The following TRIM26 variants were observed in gnomAD, a reference collection of about 807,000 sequenced individuals.
TRIM26 encodes tripartite motif containing 26.
Under a neutral mutation model 45.5 loss-of-function variants are expected in TRIM26, and 16 were observed. The observed-to-expected ratio is 0.35, with a 90% confidence interval of 0.24 to 0.53. TRIM26 has a LOEUF of 0.53. Among genes scored for constraint, TRIM26 ranks in the 20% least tolerant of loss-of-function variants. The pLI is 0.92. For missense variants in TRIM26, 442 were observed against 691.1 expected (o/e 0.64, Z 4.04); for synonymous variants, 273 against 290.4 (o/e 0.94, Z 0.61).
Position 30,184,969 on chromosome 6 carries a change from T to A in TRIM26, c.*907A>T, listed in dbSNP as rs761449725. On this transcript the variant is annotated 3_prime_UTR_variant, in exon 10 of 10. Coordinates refer to ENST00000454678, the MANE Select transcript of TRIM26 (RefSeq NM_003449.5). ...TCCTAGGAAAGTGGAACCTGGATGCTGGTAGGGCCAGAGACAGAGGCTTAA... is the reference window on the plus strand; with the variant it reads ...TCCTAGGAAAGTGGAACCTGGATGCAGGTAGGGCCAGAGACAGAGGCTTAA... 1.3e-4 allele frequency: 20 copies of A among 152,646 alleles called. No homozygotes were observed. The highest frequency in any genetic ancestry group is 1.5e-4 in the Non-Finnish European group (10 of 68,082). The allele number at this position is 152,646 out of a possible 1,614,324, so 9.5% of individuals were successfully genotyped here. A position where few individuals can be genotyped will look rare whatever the true frequency, so the allele number is the denominator to read the frequency against.
intron 1 of TRIM26, among the ~76,000 whole-genome samples, chr6:30,206,016 A>G (rs1025057155): frequency 6.6e-6 from 1 of 152,218 alleles, no homozygotes; most frequent in Non-Finnish European, 1.5e-5. Context: ...TGGACCTCCA[A>G]ACAAGAGCAA....
rs746057325 is a variant in TRIM26, at chr6:30,196,395, C to A, written c.765+121G>T. The A allele has an allele frequency of 1.1e-6, 1 of 917,626 alleles. No homozygotes were observed. Among genetic ancestry groups the A allele is most frequent in the Non-Finnish European group, 1.6e-6 (1 of 606,240 alleles). 56.8% of individuals were successfully genotyped at this position (917,626 alleles called of 1,614,324 possible). A position where few individuals can be genotyped will look rare whatever the true frequency, so the allele number is the denominator to read the frequency against. ...ACTAATTGGCAGCAGTAAGGATTATCATCTCCATGTTTCAGATGACAAAAC... is the reference window on the plus strand; with the variant it reads ...ACTAATTGGCAGCAGTAAGGATTATAATCTCCATGTTTCAGATGACAAAAC... On this transcript the variant is annotated intron_variant, in intron 6 of 9. Coordinates refer to ENST00000454678, the MANE Select transcript of TRIM26 (RefSeq NM_003449.5). The surrounding 1 kb of genome is among the most constrained non-coding windows in gnomAD (Gnocchi z 4.9).
In TRIM26 at chr6:30,189,205, G is replaced by T. The variant is rs767879717; in HGVS notation, c.905-6C>A. ...CAAGTCTCTCAGCAGCTTCCCTGGG[G>T]AGAAAAAAGGACAGCAATGACTCAA... On this transcript the variant is annotated splice_region_variant and splice_polypyrimidine_tract_variant and intron_variant, in intron 8 of 9. Coordinates refer to ENST00000454678, the MANE Select transcript of TRIM26 (RefSeq NM_003449.5). This position sits in a 1 kb window ranked among gnomAD's most constrained non-coding sequence, Gnocchi z 5.0. 1 of 1,612,888 alleles carries T rather than the reference G, an allele frequency of 6.2e-7. No individual in the cohort carries two copies. Among genetic ancestry groups the T allele is most frequent in the Non-Finnish European group, 8.5e-7 (1 of 1,179,990 alleles).
At position 30,198,956 on chromosome 6, in the gene TRIM26, G is replaced by A. The variant is rs955736811; in HGVS notation, c.148C>T (p.Arg50Cys). Reference protein sequence around the residue: ...TTDVRPISGSRPVCPLCKKPF... With the variant: ...TTDVRPISGSCPVCPLCKKPF... ...TTCTTGCAGAGTGGGCAGACGGGGC[G>A]GCTCCCTGAGATGGGGCGGACGTCT... The change falls in exon 4 of 10, where the codon CGC becomes TGC. Residue 50 changes from arginine (R) to cysteine (C), a missense_variant. Transcript: ENST00000454678. The surrounding 1 kb of genome is among the most constrained non-coding windows in gnomAD (Gnocchi z 6.3). 1.9e-6 allele frequency: 3 copies of A among 1,612,804 alleles called. No individual in the cohort carries two copies. The highest frequency in any genetic ancestry group is 2.7e-5 in the African/African-American group (2 of 74,982).
chr6:30,204,452 A>G (rs1029047797), intron 2 of TRIM26, among the ~76,000 whole-genome samples: 2 of 152,222 alleles, frequency 1.3e-5, no homozygotes, highest in African/African-American at 4.8e-5. Flanking sequence ...AAACTTTCAC[A>G]TATGGGGTGA....
chr6:30,199,812 A>G lies in TRIM26; in HGVS notation c.-161-548T>C, dbSNP rs555071074. Reference sequence around the variant, plus strand: ...CCACCACACCTGGCTAATTTTTTGTATTTTTAGTAGAGACGGGGTTTCACC... The same window carrying G: ...CCACCACACCTGGCTAATTTTTTGTGTTTTTAGTAGAGACGGGGTTTCACC... On this transcript the variant is annotated intron_variant, in intron 3 of 9. Transcript: ENST00000454678. 2.2e-4 allele frequency among the ~76,000 whole-genome samples: 34 copies of G among 152,038 alleles called. 1 individual carries two copies. In the South Asian group the frequency reaches 7.1e-3, roughly 32 times the overall value.
At chr6:30,193,471 C>A (rs1217088571) in intron 6 of TRIM26, among the ~76,000 whole-genome samples, 1 of 151,860 alleles carries the variant, frequency 6.6e-6, no homozygotes, top group Non-Finnish European at 1.5e-5. Flanking sequence ...TGAGCCACCA[C>A]AACTGGCTGT....
chr6:30,193,926 T>A (rs987519207), intron 6 of TRIM26, among the ~76,000 whole-genome samples: 3 of 152,242 alleles, frequency 2.0e-5, no homozygotes, highest in Admixed American at 6.5e-5. Flanking sequence ...TGATTTTGTA[T>A]CCTGCAACTT....
intron 1 of TRIM26, among the ~76,000 whole-genome samples, chr6:30,205,012 C>T (rs1777582529): frequency 6.6e-6 from 1 of 152,080 alleles, no homozygotes; most frequent in African/African-American, 2.4e-5. Context: ...GAGGCAGAGG[C>T]GGGTGGATCA....
At chr6:30,193,193 T>TTCTTTTC in intron 6 of TRIM26, among the ~76,000 whole-genome samples, 1 of 68,148 alleles carries the variant, frequency 1.5e-5, no homozygotes, top group Admixed American at 1.8e-4. Context: ...TTTTTTTTTT[T>TTCTTTTC]TTTTTTTTAA....
chr6:30,186,203 C>T lies in TRIM26; in HGVS notation c.1293G>A (p.Glu431=). ...CCACCATGCAGCTTTCCAGAACTTCCTCCTCTTCCTCCTCCTCTTCTTCCT... is the reference window on the plus strand; with the variant it reads ...CCACCATGCAGCTTTCCAGAACTTCTTCCTCTTCCTCCTCCTCTTCTTCCT... ...DEEEEEEEEE[E]EVLESCMVGV... Residue 431 remains glutamate (E), a synonymous_variant, in exon 10 of 10, where the codon GAG becomes GAA. Coordinates refer to ENST00000454678, the MANE Select transcript of TRIM26 (RefSeq NM_003449.5). The surrounding 1 kb of genome is among the most constrained non-coding windows in gnomAD (Gnocchi z 7.4). 6.3e-7 allele frequency: 1 copy of T among 1,595,058 alleles called. No homozygotes were observed. Among genetic ancestry groups the T allele is most frequent in the Non-Finnish European group, 8.5e-7 (1 of 1,170,212 alleles).
chr6:30,200,005 C>T (rs1776980468), intron 3 of TRIM26, among the ~76,000 whole-genome samples: 2 of 152,212 alleles, frequency 1.3e-5, no homozygotes, highest in African/African-American at 4.8e-5. Context: ...TGTGACATGG[C>T]TCACCCTGTA....
At position 30,199,084 on chromosome 6, in the gene TRIM26, A is replaced by G; in HGVS notation, c.20T>C (p.Leu7Pro). Reference protein sequence around the residue: MATSAPLRSLEEEVTCS... With the variant: MATSAPPRSLEEEVTCS... ...GGTCACCTCCTCTTCCAGGCTCCGT[A>G]GTGGGGCTGACGTGGCCATGGTATC... is the stretch of plus-strand genomic sequence containing the variant. The change falls in exon 4 of 10, where the codon CTA (leucine) becomes CCA (proline). Residue 7 changes from leucine to proline, a missense_variant. Leu to Pro is a moderately conservative substitution (Grantham distance 98, BLOSUM62 -3). Transcript: ENST00000454678. The G allele has an allele frequency of 1.3e-6, 2 of 1,573,168 alleles. No individual in the cohort carries two copies. The highest frequency in any genetic ancestry group is 1.2e-5 in the South Asian group (1 of 85,696).
intron 9 of TRIM26, chr6:30,188,364 C>A: frequency 2.3e-6 from 1 of 439,600 alleles, no homozygotes; most frequent in South Asian, 6.6e-5. Flanking sequence ...TACCAGCCTG[C>A]TCTGTAAGAT....
At chr6:30,204,234 C>G (rs1777491710) in intron 2 of TRIM26, among the ~76,000 whole-genome samples, 1 of 152,220 alleles carries the variant, frequency 6.6e-6, no homozygotes, top group Non-Finnish European at 1.5e-5. Context: ...GAAGCAGTGT[C>G]TGGTGCCAAG....
In TRIM26 at chr6:30,194,628, G is replaced by A. The variant is rs531410622; in HGVS notation, c.765+1888C>T. On this transcript the variant is annotated intron_variant, in intron 6 of 9. Coordinates refer to ENST00000454678, the MANE Select transcript of TRIM26 (RefSeq NM_003449.5). ...CCCAGCACTGTGGGAGGCTGAGGCA[G>A]GCGATCACCTGAGGTCAGGAGTTCA... is the stretch of plus-strand genomic sequence containing the variant. Among the ~76,000 whole-genome samples the A allele has an allele frequency of 1.6e-3, 247 of 152,342 alleles. 1 individual carries two copies. Among genetic ancestry groups the A allele is most frequent in the Middle Eastern group, 6.8e-3 (2 of 294 alleles).
Position 30,190,198 on chromosome 6 carries a change from A to G in TRIM26, c.766-163T>C. ...TCCAGTGGGGTCACTGCATAAAACAACAAGAAAACAAACAAAATCGGCACA... is the reference window on the plus strand; with the variant it reads ...TCCAGTGGGGTCACTGCATAAAACAGCAAGAAAACAAACAAAATCGGCACA... On this transcript the variant is annotated intron_variant, in intron 6 of 9. Coordinates refer to ENST00000454678, the MANE Select transcript of TRIM26 (RefSeq NM_003449.5). The surrounding 1 kb of genome is among the most constrained non-coding windows in gnomAD (Gnocchi z 4.3). 1.4e-6 allele frequency: 1 copy of G among 723,344 alleles called. No homozygotes were observed. The highest frequency in any genetic ancestry group is 2.3e-6 in the Non-Finnish European group (1 of 436,462). 44.8% of individuals were successfully genotyped at this position (723,344 alleles called of 1,614,324 possible).
At chr6:30,199,640 G>T (rs6919128) in intron 3 of TRIM26, among the ~76,000 whole-genome samples, 33 of 112,400 alleles carry the variant, frequency 2.9e-4, no homozygotes, top group Admixed American at 5.7e-4. Flanking sequence ...TTTTTTTTTT[G>T]GTTTTTTTTT....
In TRIM26 at chr6:30,189,968, T is replaced by C; in HGVS notation, c.788+45A>G. ...GCACCTGGTCAGAAGCGGGGGAACA[T>C]AAACAAGGGGGATGAGGTACGCCAT... On this transcript the variant is annotated intron_variant, in intron 7 of 9. Coordinates refer to ENST00000454678, the MANE Select transcript of TRIM26 (RefSeq NM_003449.5). The surrounding 1 kb of genome is among the most constrained non-coding windows in gnomAD (Gnocchi z 5.0). 1 of 1,611,874 alleles carries C rather than the reference T, an allele frequency of 6.2e-7. No individual in the cohort carries two copies. Among genetic ancestry groups the C allele is most frequent in the Non-Finnish European group, 8.5e-7 (1 of 1,179,056 alleles).
Sources: gnomAD v4.1 joint callset for allele counts (sites outside exome capture counted in the v4.1 genomes callset) on GRCh38, gnomAD v4.1.1 for gene constraint, Gnocchi (gnomAD v3.1) non-coding constraint, MANE v1.5 for transcripts, NCBI Gene and HGNC (gene_info 2026-07-23, HGNC 2026-07-21) for gene names.